The following VWC2L variants were observed in gnomAD, a reference collection of about 807,000 sequenced individuals.
VWC2L encodes the protein von Willebrand factor C domain containing 2 like.
A neutral mutation model predicts 21.6 loss-of-function variants in VWC2L; 10 were observed. That is an observed-to-expected ratio of 0.46 (90% CI 0.29 to 0.78). The LOEUF (loss-of-function observed/expected upper bound fraction) is 0.78, where lower values mean the gene tolerates loss of function less well. Ranked by LOEUF, VWC2L falls within the 30% of genes least tolerant of loss-of-function variation. The probability of loss-of-function intolerance (pLI) is 0.10; values close to 1 mark genes in which losing one functional copy is unlikely to be tolerated. For synonymous variants in VWC2L, 96 were observed against 94.3 expected, an observed-to-expected ratio of 1.02 and a Z score of -0.10; for missense variants, 209 against 277.1, an observed-to-expected ratio of 0.75 and a Z score of 1.74.
chr2:214,427,702 C>T lies in VWC2L; in HGVS notation c.391-8927C>T, dbSNP rs117426418. ...CAAAATCTGCAAATACTCTGTAAAACTGTAAGATACAAATTTCTTACATAA... is the reference window on the plus strand; with the variant it reads ...CAAAATCTGCAAATACTCTGTAAAATTGTAAGATACAAATTTCTTACATAA... On this transcript the variant is annotated intron_variant, in intron 2 of 3. Coordinates refer to ENST00000312504, the MANE Select transcript of VWC2L (RefSeq NM_001080500.4). Among the ~76,000 whole-genome samples the T allele has an allele frequency of 5.9e-5, 9 of 152,258 alleles. No individual in the cohort carries two copies. In the East Asian group the frequency reaches 1.5e-3, roughly 26 times the overall value.
At chr2:214,566,322 C>T (rs1381023906) in intron 3 of VWC2L, among the ~76,000 whole-genome samples, 1 of 152,130 alleles carries the variant, frequency 6.6e-6, no homozygotes, top group Non-Finnish European at 1.5e-5. Flanking sequence ...AGGAAAAGAG[C>T]AGCCAACCTT....
chr2:214,500,775 C>T (rs1466176079), intron 3 of VWC2L, among the ~76,000 whole-genome samples: 1 of 152,214 alleles, frequency 6.6e-6, no homozygotes, highest in Non-Finnish European at 1.5e-5. Flanking sequence ...CAACTAGGCC[C>T]AGGTTCAGTT....
At chr2:214,469,622 G>A (rs773431161) in intron 3 of VWC2L, among the ~76,000 whole-genome samples, 1 of 151,984 alleles carries the variant, frequency 6.6e-6, no homozygotes, top group Non-Finnish European at 1.5e-5. Flanking sequence ...GGTACACTAT[G>A]TATGAGAAGA....
intron 3 of VWC2L, among the ~76,000 whole-genome samples, chr2:214,438,263 A>C (rs1366118428): frequency 6.6e-6 from 1 of 152,048 alleles, no homozygotes; most frequent in Non-Finnish European, 1.5e-5. Context: ...AAAATATATG[A>C]ATGGTGAGTC....
chr2:214,455,944 AGACACTTTGGTT>A (rs1185487676), intron 3 of VWC2L, among the ~76,000 whole-genome samples: 1 of 152,156 alleles, frequency 6.6e-6, no homozygotes, highest in Non-Finnish European at 1.5e-5. Flanking sequence ...ATTCATTGAC[AGACACTTTGGTT>A]GATTCCCTAT....
chr2:214,539,051 A>G (rs916203583), intron 3 of VWC2L, among the ~76,000 whole-genome samples: 2 of 152,150 alleles, frequency 1.3e-5, no homozygotes, highest in African/African-American at 4.8e-5. Flanking sequence ...ACCTGCTGCA[A>G]TGCTGCCTCA....
intron 2 of VWC2L, among the ~76,000 whole-genome samples, chr2:214,426,195 A>G (rs903881611): frequency 6.7e-6 from 1 of 149,824 alleles, no homozygotes; most frequent in Admixed American, 6.6e-5. Flanking sequence ...AAAAAAAAAA[A>G]AGTAATTCAG....
intron 3 of VWC2L, among the ~76,000 whole-genome samples, chr2:214,452,150 C>T (rs1702965610): frequency 1.3e-5 from 2 of 151,978 alleles, no homozygotes; most frequent in Non-Finnish European, 2.9e-5. Context: ...TTGTTTTTGG[C>T]TTTTTGTGTG....
chr2:214,524,837 G>A (rs183175374), intron 3 of VWC2L, among the ~76,000 whole-genome samples: 33 of 151,900 alleles, frequency 2.2e-4, no homozygotes, highest in Admixed American at 7.9e-4. Context: ...ATTGTAGACC[G>A]TTATAGAATC....
intron 3 of VWC2L, among the ~76,000 whole-genome samples, chr2:214,526,735 A>G (rs1324793361): frequency 6.6e-6 from 1 of 152,234 alleles, no homozygotes; most frequent in Non-Finnish European, 1.5e-5. Flanking sequence ...TGAAGAAAAA[A>G]GAACGCTTAT....
At position 214,427,887 on chromosome 2, in the gene VWC2L, T is replaced by C. The variant is rs188376048; in HGVS notation, c.391-8742T>C. ...GTAAGAAAAATAGTCTGTAAATGTTTAGTACAGAAAACCATCCATTTCCTT... is the reference window on the plus strand; with the variant it reads ...GTAAGAAAAATAGTCTGTAAATGTTCAGTACAGAAAACCATCCATTTCCTT... On this transcript the variant is annotated intron_variant, in intron 2 of 3. Coordinates refer to ENST00000312504, the MANE Select transcript of VWC2L (RefSeq NM_001080500.4). 2.1e-4 allele frequency among the ~76,000 whole-genome samples: 32 copies of C among 152,316 alleles called. 1 individual carries two copies. Among genetic ancestry groups the C allele is most frequent in the Admixed American group, 8.5e-4 (13 of 15,296 alleles).
intron 3 of VWC2L, among the ~76,000 whole-genome samples, chr2:214,495,167 T>C (rs1435039542): frequency 2.0e-5 from 3 of 152,290 alleles, no homozygotes; most frequent in East Asian, 3.9e-4. Flanking sequence ...CTGCTAATAC[T>C]CTCTCCTCCC....
chr2:214,429,997 T>C (rs561467394), intron 2 of VWC2L, among the ~76,000 whole-genome samples: 1 of 152,196 alleles, frequency 6.6e-6, no homozygotes, highest in African/African-American at 2.4e-5. Context: ...CTAATTTTTG[T>C]ATTTTTAGTA....
At chr2:214,522,504 TG>T (rs1309775405) in intron 3 of VWC2L, among the ~76,000 whole-genome samples, 1 of 151,970 alleles carries the variant, frequency 6.6e-6, no homozygotes, top group Non-Finnish European at 1.5e-5. Context: ...CAGGAGACAT[TG>T]GGGTACAGAA....
intron 3 of VWC2L, among the ~76,000 whole-genome samples, chr2:214,450,406 C>G (rs1206757995): frequency 6.6e-6 from 1 of 152,172 alleles, no homozygotes; most frequent in Admixed American, 6.5e-5. Flanking sequence ...GTCTAAGCAC[C>G]CATGTGGATT....
intron 3 of VWC2L, among the ~76,000 whole-genome samples, chr2:214,511,468 A>T (rs981697669): frequency 5.9e-5 from 9 of 152,110 alleles, no homozygotes; most frequent in African/African-American, 2.2e-4. Flanking sequence ...CTGTGGCCTT[A>T]TAAGAAGAGG....
rs186952382 is a variant in VWC2L at position 214,481,957 on chromosome 2, G to C, written c.520+45199G>C. On this transcript the variant is annotated intron_variant, in intron 3 of 3. Coordinates refer to ENST00000312504, the MANE Select transcript of VWC2L (RefSeq NM_001080500.4). ...AGGGGAAAAGAAATGTTCAATACAA[G>C]GAAGACAATGCAATTAACGGAGAAA... Among the ~76,000 whole-genome samples the C allele has an allele frequency of 2.0e-5, 3 of 152,230 alleles. No homozygotes were observed. The East Asian group carries it at 5.8e-4, about 29-fold the overall frequency.
At chr2:214,496,227 A>G (rs1688809360) in intron 3 of VWC2L, among the ~76,000 whole-genome samples, 2 of 151,948 alleles carry the variant, frequency 1.3e-5, no homozygotes, top group Non-Finnish European at 2.9e-5. Flanking sequence ...AGTACAATCA[A>G]AATAAGGTAT....
At chr2:214,516,042 G>A (rs565361918) in intron 3 of VWC2L, among the ~76,000 whole-genome samples, 225 of 152,120 alleles carry the variant, frequency 1.5e-3, no homozygotes, top group African/African-American at 5.1e-3. Flanking sequence ...TATTTCATAG[G>A]TGATGGTGTG....
Sources: allele counts gnomAD v4.1 joint callset (sites outside exome capture counted in the v4.1 genomes callset), GRCh38; gene constraint gnomAD v4.1.1; transcripts MANE v1.5; gene names NCBI Gene and HGNC (gene_info 2026-07-23, HGNC 2026-07-21).